ESR2: variants seen among roughly 807,000 people sequenced by gnomAD.
The protein encoded by ESR2 is estrogen receptor beta.
In ESR2, 36 loss-of-function variants were observed where a neutral mutation model predicts 49.6. The observed-to-expected ratio is 0.73, with a 90% CI of 0.56 to 0.96. The LOEUF is 0.96. Among genes scored for constraint, ESR2 ranks in the 40% least tolerant of loss-of-function variants. ESR2 has a pLI of 0.00. For missense variants in ESR2, 714 were observed against 693.0 expected, an observed-to-expected ratio of 1.03 and a Z score of -0.34; for synonymous variants, 320 against 266.1, an observed-to-expected ratio of 1.20 and a Z score of -1.97.
rs139565039 is a variant in ESR2, at chr14:64,300,191, C to T, written c.-90-17116G>A. 2.3e-3 allele frequency among the ~76,000 whole-genome samples: 343 copies of T among 152,320 alleles called. 2 individuals are homozygous for T. Among genetic ancestry groups the T allele is most frequent in the African/African-American group, 7.8e-3 (324 of 41,580 alleles). On this transcript the variant is annotated intron_variant, in intron 1 of 8. Transcript: ENST00000358599. ...TATCACCAATTTGCTGACAAGGAAA[C>T]TTGAGGGTGTTTTCCAGATTTGCAC...
At chr14:64,303,104 G>C (rs188585147) in intron 1 of ESR2, among the ~76,000 whole-genome samples, 20 of 152,232 alleles carry the variant, frequency 1.3e-4, no homozygotes, top group Admixed American at 1.0e-3. Context: ...CCAGCCAAGA[G>C]AGCCTACTGT....
intron 3 of ESR2, among the ~76,000 whole-genome samples, chr14:64,271,217 C>T (rs1186410698): frequency 6.6e-6 from 1 of 152,098 alleles, no homozygotes; most frequent in Non-Finnish European, 1.5e-5. Context: ...AGCAATCCTC[C>T]CATCTCAGCC....
intron 1 of ESR2, among the ~76,000 whole-genome samples, chr14:64,332,574 G>T (rs2077473360): frequency 1.3e-5 from 2 of 152,056 alleles, no homozygotes; most frequent in Non-Finnish European, 2.9e-5. Context: ...GCCGAGGTGG[G>T]TGGATCACGA....
Position 64,268,868 on chromosome 14 carries a change from G to A in ESR2, c.579C>T (p.Ile193=), listed in dbSNP as rs374870812. 10 of 1,613,286 alleles carry A rather than the reference G, an allele frequency of 6.2e-6. No homozygotes were observed. The highest frequency in any genetic ancestry group is 2.2e-5 in the South Asian group (2 of 91,048). The change falls in exon 4 of 9, where the codon ATC becomes ATT. Residue 193 remains isoleucine (I), a synonymous_variant. Coordinates refer to ENST00000341099, the MANE Select transcript of ESR2 (RefSeq NM_001437.3). ...GGCAGCTCTTGCGCCGGTTTTTATC[G>A]ATTGTACACTGATTTGTAGCTGGAC... The part of the protein sequence containing the change: ...YICPATNQCT[I]DKNRRKSCQA...
intron 1 of ESR2, chr14:64,303,808 T>C (rs1359504235): frequency 1.3e-5 from 2 of 152,218 alleles, no homozygotes; most frequent in Non-Finnish European, 2.9e-5. Context: ...TATGATTTGC[T>C]TACTATGTGC....
rs1166920192 is a variant in ESR2, at chr14:64,228,591, T to C, written c.*4546A>G. ...CAACCAACAGGCTCTGAAGTACACA[T>C]TGAATGACAAAAGGTATAGGACCAA... On this transcript the variant is annotated 3_prime_UTR_variant, in exon 9 of 9. Transcript: ENST00000341099. 6.6e-6 allele frequency among the ~76,000 whole-genome samples: 1 copy of C among 152,190 alleles called. No homozygotes were observed. Among genetic ancestry groups the C allele is most frequent in the Non-Finnish European group, 1.5e-5 (1 of 68,026 alleles).
intron 4 of ESR2, among the ~76,000 whole-genome samples, chr14:64,268,467 G>A (rs929573616): frequency 2.0e-5 from 3 of 152,020 alleles, no homozygotes; most frequent in Non-Finnish European, 4.4e-5. Flanking sequence ...ACAGACAGAC[G>A]GCCACCCAGC....
In ESR2 at chr14:64,320,482, G is replaced by C. The variant is rs73269922; in HGVS notation, c.-91+17416C>G. Among the ~76,000 whole-genome samples the C allele has an allele frequency of 1.2e-4, 19 of 152,292 alleles. 1 individual carries two copies. Among genetic ancestry groups the C allele is most frequent in the African/African-American group, 4.6e-4 (19 of 41,548 alleles). ...TGGAACACAGGACATTTTTAGGGCAGTGAAACCATTCTGTATGATGATGTA... is the reference window on the plus strand; with the variant it reads ...TGGAACACAGGACATTTTTAGGGCACTGAAACCATTCTGTATGATGATGTA... On this transcript the variant is annotated intron_variant, in intron 1 of 8. Transcript: ENST00000358599.
intron 3 of ESR2, among the ~76,000 whole-genome samples, chr14:64,276,085 T>G (rs531181318): frequency 2.2e-4 from 34 of 152,290 alleles, no homozygotes; most frequent in Non-Finnish European, 4.1e-4. Flanking sequence ...GCGCAAAAGT[T>G]TATATAATGC....
downstream of ESR2, chr14:64,227,936 A>G (rs1402766397): frequency 1.3e-6 from 2 of 1,596,720 alleles, no homozygotes; most frequent in South Asian, 2.2e-5. Flanking sequence ...CCATCTGTAA[A>G]GGATATAATT....
rs547842612 is a variant in ESR2, at chr14:64,269,539, T to G, written c.536-628A>C. On this transcript the variant is annotated intron_variant, in intron 3 of 8. Coordinates refer to ENST00000341099, the MANE Select transcript of ESR2 (RefSeq NM_001437.3). ...TTGATGTTGGGCTTGACCACAGGAC[T>G]TTTTATAGCCAATGATATATCAATA... is the stretch of plus-strand genomic sequence containing the variant. Among the ~76,000 whole-genome samples the G allele has an allele frequency of 2.6e-5, 4 of 152,318 alleles. No homozygotes were observed. In the East Asian group the frequency reaches 7.7e-4, roughly 29 times the overall value.
intron 8 of ESR2, 23 bp from the exon 9 acceptor site, chr14:64,233,346 A>G (rs779474258): frequency 5.0e-6 from 8 of 1,598,212 alleles, no homozygotes; most frequent in Non-Finnish European, 6.9e-6. Flanking sequence ...AAAGGTGCTG[A>G]GATTCCCTCC....
intron 7 of ESR2, among the ~76,000 whole-genome samples, chr14:64,248,126 C>T (rs1217708306): frequency 2.0e-5 from 3 of 151,976 alleles, no homozygotes; most frequent in Middle Eastern, 3.2e-3. Flanking sequence ...CCCAGGAGGT[C>T]GGAACTGCAG....
chr14:64,286,332 G>T (rs140504538), intron 1 of ESR2, among the ~76,000 whole-genome samples: 1 of 151,776 alleles, frequency 6.6e-6, no homozygotes, highest in South Asian at 2.1e-4. Flanking sequence ...ATGGAGTTTC[G>T]CTGTGTCACC....
intron 1 of ESR2, among the ~76,000 whole-genome samples, chr14:64,288,345 A>T (rs2076814657): frequency 1.7e-5 from 2 of 119,382 alleles, no homozygotes; most frequent in South Asian, 5.0e-4. Context: ...CAAAAAGACT[A>T]CACTTTTTTT....
intron 3 of ESR2, among the ~76,000 whole-genome samples, chr14:64,271,003 C>A (rs1450839606): frequency 3.3e-5 from 5 of 152,144 alleles, no homozygotes; most frequent in Admixed American, 3.3e-4. Context: ...TCTAAGGCTC[C>A]TTTTCTTCTA....
intron 1 of ESR2, chr14:64,301,584 C>T (rs3020450): frequency 0.33 from 50,847 of 151,926 alleles, 8,955 homozygotes; most frequent in Middle Eastern, 0.43. Context: ...AGGATTTCTA[C>T]GGAGAGAACA....
At chr14:64,241,003 G>A (rs1017397886) in intron 7 of ESR2, among the ~76,000 whole-genome samples, 5 of 151,692 alleles carry the variant, frequency 3.3e-5, no homozygotes, top group Admixed American at 6.6e-5. Flanking sequence ...AAAATTAGCC[G>A]GGCGTGATGG....
At position 64,307,204 on chromosome 14, in the gene ESR2, T is replaced by A. The variant is rs536238656; in HGVS notation, c.-90-24129A>T. On this transcript the variant is annotated intron_variant, in intron 1 of 8. Transcript: ENST00000358599. Reference sequence around the variant, plus strand: ...AGAGGTTTATTAATTTAATTTAATTTATTTATTTATTTATTTATTTATTTT... The same window carrying A: ...AGAGGTTTATTAATTTAATTTAATTAATTTATTTATTTATTTATTTATTTT... Among the ~76,000 whole-genome samples the A allele has an allele frequency of 8.0e-3, 1,213 of 151,358 alleles. 3 individuals carry two copies. Among genetic ancestry groups the A allele is most frequent in the African/African-American group, 0.016 (658 of 41,410 alleles).
Sources: allele counts gnomAD v4.1 joint callset (sites outside exome capture counted in the v4.1 genomes callset), GRCh38; gene constraint gnomAD v4.1.1; transcripts MANE v1.5; gene names NCBI Gene and HGNC (gene_info 2026-07-23, HGNC 2026-07-21).